The following PSMA3 variants were observed in gnomAD, a reference collection of about 807,000 sequenced individuals.
PSMA3 encodes the protein proteasome 20S subunit alpha 3, also known as proteasome subunit alpha type-3.
In PSMA3, 8 loss-of-function variants were observed where a neutral mutation model predicts 40.0. The ratio of observed to expected loss-of-function variants is 0.20; its 90% CI spans 0.12 to 0.36. The LOEUF is 0.36. Ranked by LOEUF, PSMA3 falls within the 10% of genes least tolerant of loss-of-function variation. PSMA3 has a pLI of 1.00. For synonymous variants in PSMA3, 110 were observed against 100.0 expected (o/e 1.10, Z -0.59); for missense variants, 219 against 310.6 (o/e 0.70, Z 2.22).
In PSMA3 at chr14:58,263,752, G is replaced by A. The variant is rs754006548; in HGVS notation, c.525G>A (p.Thr175=). 19 of 1,613,736 alleles carry A rather than the reference G, an allele frequency of 1.2e-5. No homozygotes were observed. Among genetic ancestry groups the A allele is most frequent in the South Asian group, 7.7e-5 (7 of 91,076 alleles). ...GCAAAGCCAGGCAAGCTGCAAAGACGGAAATAGAGAAGCTTCAGGTAATAA... is the reference window on the plus strand; with the variant it reads ...GCAAAGCCAGGCAAGCTGCAAAGACAGAAATAGAGAAGCTTCAGGTAATAA... ...AIGKARQAAK[T]EIEKLQMKEM... Residue 175 remains threonine, a synonymous_variant, in exon 7 of 11, where the codon ACG becomes ACA. Coordinates refer to ENST00000216455, the MANE Select transcript of PSMA3 (RefSeq NM_002788.4).
At chr14:58,247,248 C>G (rs1292098517) in intron 1 of PSMA3, among the ~76,000 whole-genome samples, 1 of 152,092 alleles carries the variant, frequency 6.6e-6, no homozygotes, top group African/African-American at 2.4e-5. Flanking sequence ...AGTGCCTTTT[C>G]TGATTTACTG....
intron 7 of PSMA3, among the ~76,000 whole-genome samples, chr14:58,264,389 T>G (rs558936316): frequency 1.4e-3 from 213 of 152,342 alleles, no homozygotes; most frequent in Non-Finnish European, 2.7e-3. Flanking sequence ...ACTTTTTCTT[T>G]CACAAAATTC....
chr14:58,252,104 T>C lies in PSMA3; in HGVS notation c.105-15T>C, dbSNP rs1043373275. ...ATTTTCAGTTAAAAAACTGATTTTC[T>C]TCTCCTTGTTTCAGTACAGCTATTG... On this transcript the variant is annotated splice_polypyrimidine_tract_variant and intron_variant, in intron 2 of 10. Transcript: ENST00000216455. 3.2e-6 allele frequency: 5 copies of C among 1,569,038 alleles called. No homozygotes were observed. The highest frequency in any genetic ancestry group is 3.4e-6 in the Non-Finnish European group (4 of 1,167,232).
Position 58,263,740 on chromosome 14 carries a change from A to G in PSMA3, c.513A>G (p.Gln171=), listed in dbSNP as rs761177403. The change falls in exon 7 of 11, where the codon CAA becomes CAG. Residue 171 remains glutamine (Q), a synonymous_variant. Transcript: ENST00000216455. ...YWGCAIGKAR[Q]AAKTEIEKLQ... is the part of the protein sequence containing the mutation. ...GCTGTGCCATCGGCAAAGCCAGGCAAGCTGCAAAGACGGAAATAGAGAAGC... is the reference window on the plus strand; with the variant it reads ...GCTGTGCCATCGGCAAAGCCAGGCAGGCTGCAAAGACGGAAATAGAGAAGC... 8.1e-6 allele frequency: 13 copies of G among 1,613,948 alleles called. No homozygotes were observed. The South Asian group carries it at 1.1e-4, about 14-fold the overall frequency.
chr14:58,258,518 T>C (rs1355083272), intron 5 of PSMA3: 1 of 150,358 alleles, frequency 6.7e-6, no homozygotes, highest in Non-Finnish European at 1.5e-5. Context: ...AACAAGGAAC[T>C]GATAACAATG....
At chr14:58,268,370 G>A (rs1487344626) in intron 8 of PSMA3, among the ~76,000 whole-genome samples, 4 of 152,058 alleles carry the variant, frequency 2.6e-5, no homozygotes, top group South Asian at 2.1e-4. Context: ...CTAACAATAC[G>A]TGGAAGAAAA....
intron 3 of PSMA3, among the ~76,000 whole-genome samples, chr14:58,255,634 T>C (rs1253765199): frequency 6.6e-6 from 1 of 152,136 alleles, no homozygotes; most frequent in African/African-American, 2.4e-5. Context: ...CCGGGCGTGG[T>C]GGCGCATGCC....
rs886586237 is a variant in PSMA3 at position 58,270,982 on chromosome 14, C to T, written c.707C>T (p.Ala236Val). Residue 236 changes from alanine (A) to valine (V), a missense_variant, in exon 10 of 11, where the codon GCA (alanine) becomes GTA (valine). Physicochemically the swap from Ala to Val is moderately conservative, Grantham distance 64. Transcript: ENST00000216455. ...EIVPKDIREE[A>V]EKYAKESLKE... ...GTTCCAAAAGATATAAGAGAAGAAG[C>T]AGAGAAATATGCTAAGGTAAGCCAC... is the stretch of plus-strand genomic sequence containing the variant. The T allele has an allele frequency of 6.2e-7, 1 of 1,607,242 alleles. No homozygotes were observed. Among genetic ancestry groups the T allele is most frequent in the African/African-American group, 1.3e-5 (1 of 74,590 alleles).
At chr14:58,248,547 G>T (rs886190223) in intron 2 of PSMA3, among the ~76,000 whole-genome samples, 2 of 152,178 alleles carry the variant, frequency 1.3e-5, no homozygotes, top group Non-Finnish European at 2.9e-5. Context: ...GATTATAGGC[G>T]TGAGTCACTG....
chr14:58,248,374 C>G (rs1419798207), intron 2 of PSMA3, among the ~76,000 whole-genome samples: 1 of 152,114 alleles, frequency 6.6e-6, no homozygotes, highest in African/African-American at 2.4e-5. Context: ...GGATTACAGG[C>G]ATGTGCCACC....
At chr14:58,262,271 G>A (rs753673673) in intron 6 of PSMA3, among the ~76,000 whole-genome samples, 4 of 152,214 alleles carry the variant, frequency 2.6e-5, no homozygotes, top group Middle Eastern at 3.4e-3. Flanking sequence ...ACCCAGACTG[G>A]AGTGCAGTGG....
rs777208727 is a variant in PSMA3 at position 58,267,563 on chromosome 14, T to C, written c.590+43T>C. ...TTACCATCCACAAAAATATTTCATT[T>C]GACCTTTGCATATATATATTACATT... On this transcript the variant is annotated intron_variant, in intron 8 of 10. Transcript: ENST00000216455. The C allele has an allele frequency of 1.9e-6, 3 of 1,549,792 alleles. No individual in the cohort carries two copies. In the East Asian group the frequency reaches 7.1e-5, roughly 37 times the overall value.
At position 58,271,949 on chromosome 14, in the gene PSMA3, T is replaced by A; in HGVS notation, c.*54T>A. 7.6e-7 allele frequency: 1 copy of A among 1,317,524 alleles called. No homozygotes were observed. Among genetic ancestry groups the A allele is most frequent in the Non-Finnish European group, 1.1e-6 (1 of 917,166 alleles). 81.6% of individuals were successfully genotyped at this position (1,317,524 alleles called of 1,614,324 possible). On this transcript the variant is annotated 3_prime_UTR_variant, in exon 11 of 11. Coordinates refer to ENST00000216455, the MANE Select transcript of PSMA3 (RefSeq NM_002788.4). ...AATTTCTACTCCAGTCCAATGTAACTATTTAGCCCTGGATTATACATACTG... is the reference window on the plus strand; with the variant it reads ...AATTTCTACTCCAGTCCAATGTAACAATTTAGCCCTGGATTATACATACTG...
rs1890027367 is a variant in PSMA3, at chr14:58,252,193, A to G, written c.179A>G (p.Glu60Gly). 4 of 1,613,296 alleles carry G rather than the reference A, an allele frequency of 2.5e-6. No individual in the cohort carries two copies. The East Asian group carries it at 8.9e-5, about 36-fold the overall frequency. Reference sequence around the variant, plus strand: ...AAATTAGTCCTTTCTAAACTTTATGAAGAAGGTTCCAACAAAAGACTTTTT... The same window carrying G: ...AAATTAGTCCTTTCTAAACTTTATGGAGAAGGTTCCAACAAAAGACTTTTT... ...VEKLVLSKLY[E>G]EGSNKRLFNV... The change falls in exon 3 of 11, where the codon GAA becomes GGA. Residue 60 changes from glutamate (E) to glycine (G), a missense_variant. Physicochemically the swap from Glu to Gly is moderately conservative, Grantham distance 98. Coordinates refer to ENST00000216455, the MANE Select transcript of PSMA3 (RefSeq NM_002788.4).
intron 3 of PSMA3, among the ~76,000 whole-genome samples, chr14:58,257,063 T>C (rs1023371892): frequency 5.5e-5 from 8 of 145,050 alleles, no homozygotes; most frequent in Non-Finnish European, 1.1e-4. Context: ...GATGGTGCCA[T>C]TGTGCTCCAG....
chr14:58,263,961 C>T (rs1368007327), intron 7 of PSMA3, among the ~76,000 whole-genome samples, 191 bp downstream of exon 7: 2 of 152,082 alleles, frequency 1.3e-5, no homozygotes, highest in Admixed American at 6.5e-5. Context: ...AGAAAGTTTA[C>T]GAATTTGTGT....
At chr14:58,268,652 C>CT (rs1941823971) in intron 8 of PSMA3, 1 of 152,186 alleles carries the variant, frequency 6.6e-6, no homozygotes, top group Non-Finnish European at 1.5e-5. Flanking sequence ...ATGATATACT[C>CT]TGTTTCCTTC....
intron 6 of PSMA3, among the ~76,000 whole-genome samples, chr14:58,262,246 G>T (rs1890302579): frequency 6.6e-6 from 1 of 152,090 alleles, no homozygotes; most frequent in Admixed American, 6.5e-5. Flanking sequence ...GTTTCAGACA[G>T]CGTCTCGCTC....
At chr14:58,270,687 T>C (rs1382240378) in intron 9 of PSMA3, among the ~76,000 whole-genome samples, 3 of 152,238 alleles carry the variant, frequency 2.0e-5, no homozygotes, top group South Asian at 2.1e-4. Context: ...TAAGATACTA[T>C]GCTATAAATT....
Sources: allele counts gnomAD v4.1 joint callset (sites outside exome capture counted in the v4.1 genomes callset), GRCh38; gene constraint gnomAD v4.1.1; transcripts MANE v1.5; gene names NCBI Gene and HGNC (gene_info 2026-07-23, HGNC 2026-07-21).